Variants in DOCK4 observed in about 807,000 individuals in gnomAD.
The protein encoded by DOCK4 is dedicator of cytokinesis protein 4.
DOCK4 carries 97 observed loss-of-function variants against 268.1 expected under a neutral mutation model. The ratio of observed to expected loss-of-function variants is 0.36; its 90% CI spans 0.31 to 0.43. The LOEUF is 0.43. DOCK4 is among the 20% of genes least tolerant of loss of function. The probability of loss-of-function intolerance (pLI) is 1.00; values close to 1 mark genes in which losing one functional copy is unlikely to be tolerated. For missense variants in DOCK4, 2,145 were observed against 2,455.7 expected, an observed-to-expected ratio of 0.87 and a Z score of 2.67; for synonymous variants, 954 against 887.2, an observed-to-expected ratio of 1.08 and a Z score of -1.34.
intron 1 of DOCK4, among the ~76,000 whole-genome samples, chr7:112,170,301 A>G (rs1049961788): frequency 3.2e-4 from 49 of 152,014 alleles, no homozygotes; most frequent in African/African-American, 1.1e-3. Context: ...AAATTTAAAA[A>G]TAAAAAAAAA....
chr7:112,177,771 T>TA (rs560638958), intron 1 of DOCK4, among the ~76,000 whole-genome samples: 75 of 150,898 alleles, frequency 5.0e-4, no homozygotes, highest in African/African-American at 1.2e-3. Context: ...TTTTATAAGG[T>TA]AAAAAAAAAG....
chr7:112,068,578 T>C (rs1402752788), intron 1 of DOCK4, among the ~76,000 whole-genome samples: 1 of 152,216 alleles, frequency 6.6e-6, no homozygotes, highest in Non-Finnish European at 1.5e-5. Context: ...CCTGACACAT[T>C]GCAAATGCAT....
chr7:111,739,111 T>C, intron 49 of DOCK4, 23 bp downstream of exon 49: 1 of 1,585,284 alleles, frequency 6.3e-7, no homozygotes, highest in Non-Finnish European at 8.7e-7. Context: ...TGTTTTCTAG[T>C]TTCTCTACCC....
intron 42 of DOCK4, among the ~76,000 whole-genome samples, chr7:111,754,054 T>C (rs184854832): frequency 3.3e-5 from 5 of 152,340 alleles, no homozygotes; most frequent in African/African-American, 4.8e-5. Context: ...GGGTAGTAAG[T>C]AGCTAAAGGC....
At chr7:111,753,009 G>GGGGC (rs1554581812) in intron 42 of DOCK4, among the ~76,000 whole-genome samples, 6 of 146,130 alleles carry the variant, frequency 4.1e-5, no homozygotes, top group African/African-American at 1.5e-4. Flanking sequence ...AGCTATTGGG[G>GGGGC]GGGGGGTCTG....
At chr7:111,879,788 G>T (rs1275704589) in intron 16 of DOCK4, among the ~76,000 whole-genome samples, 1 of 152,116 alleles carries the variant, frequency 6.6e-6, no homozygotes, top group South Asian at 2.1e-4. Context: ...ACATGCTGAC[G>T]AATGCATCAG....
intron 1 of DOCK4, among the ~76,000 whole-genome samples, chr7:112,134,084 T>C (rs1814077175): frequency 6.6e-6 from 1 of 152,208 alleles, no homozygotes. Flanking sequence ...GTAAATGCAA[T>C]GTTCATATTA....
intron 30 of DOCK4, among the ~76,000 whole-genome samples, chr7:111,800,158 G>A (rs1299479457): frequency 6.6e-6 from 1 of 151,234 alleles, no homozygotes; most frequent in Non-Finnish European, 1.5e-5. Flanking sequence ...CTTTAAGCTA[G>A]GAAAAGACTG....
intron 1 of DOCK4, among the ~76,000 whole-genome samples, chr7:112,165,826 A>G (rs1222248090): frequency 1.3e-5 from 2 of 152,138 alleles, no homozygotes; most frequent in Non-Finnish European, 2.9e-5. Context: ...TCAGTAACAC[A>G]AAGTTGATCA....
At chr7:112,033,619 G>A (rs1239786040) in intron 1 of DOCK4, among the ~76,000 whole-genome samples, 1 of 152,028 alleles carries the variant, frequency 6.6e-6, no homozygotes, top group East Asian at 1.9e-4. Flanking sequence ...TACCTTTCTT[G>A]ACTTCATGGG....
chr7:112,194,930 G>T (rs967013703), intron 1 of DOCK4, among the ~76,000 whole-genome samples: 1 of 152,130 alleles, frequency 6.6e-6, no homozygotes, highest in African/African-American at 2.4e-5. Context: ...AACTATGGAT[G>T]AGAGTATTAA....
intron 39 of DOCK4, among the ~76,000 whole-genome samples, chr7:111,763,150 T>C (rs1416774453): frequency 6.6e-6 from 1 of 152,066 alleles, no homozygotes; most frequent in Non-Finnish European, 1.5e-5. Context: ...AAAAATTATC[T>C]TGGAAATTGA....
At chr7:111,960,026 T>A (rs1432866458) in intron 8 of DOCK4, among the ~76,000 whole-genome samples, 1 of 152,128 alleles carries the variant, frequency 6.6e-6, no homozygotes, top group Non-Finnish European at 1.5e-5. Flanking sequence ...TTACACTTAA[T>A]TATTTATATA....
intron 1 of DOCK4, among the ~76,000 whole-genome samples, chr7:112,049,443 G>A (rs192112336): frequency 3.1e-4 from 47 of 151,930 alleles, no homozygotes; most frequent in Non-Finnish European, 5.2e-4. Flanking sequence ...AAATAAAATT[G>A]TACTAAAGAA....
At chr7:112,175,806 GC>G (rs1360823954) in intron 1 of DOCK4, among the ~76,000 whole-genome samples, 10 of 130,162 alleles carry the variant, frequency 7.7e-5, no homozygotes, top group Non-Finnish European at 1.5e-4. Context: ...ATTCCTATCT[GC>G]CCCCATCCCC....
intron 23 of DOCK4, among the ~76,000 whole-genome samples, chr7:111,858,619 T>C (rs2134159082): frequency 6.6e-6 from 1 of 152,368 alleles, no homozygotes; most frequent in South Asian, 2.1e-4. Context: ...CTGTAACTTA[T>C]ACCATTGTCT....
intron 1 of DOCK4, among the ~76,000 whole-genome samples, chr7:112,012,736 A>G (rs1801451702): frequency 1.3e-5 from 2 of 152,252 alleles, no homozygotes; most frequent in Admixed American, 6.5e-5. Context: ...AAGATTAAGA[A>G]CTAAGATTAT....
In DOCK4 at chr7:111,758,728, C is replaced by T. The variant is rs1342479475; in HGVS notation, c.4225G>A (p.Val1409Ile). 1.2e-6 allele frequency: 2 copies of T among 1,613,978 alleles called. No homozygotes were observed. Among genetic ancestry groups the T allele is most frequent in the Admixed American group, 1.7e-5 (1 of 60,018 alleles). ...ESQEVLQREG[V>I]PDNIKSFYKV... ...TAGAAGCTTTTGATGTTGTCCGGAA[C>T]ACCCTCTCTCTGCAGGACCTCCTGG... The change falls in exon 41 of 53, where the codon GTT (valine) becomes ATT (isoleucine). Residue 1409 changes from valine (V) to isoleucine (I), a missense_variant. Val to Ile is a conservative substitution (Grantham distance 29, BLOSUM62 3). Around this residue, in one of 2 missense-constraint regions of DOCK4, gnomAD observed 1,598 missense variants for 1,986.7 expected, o/e 0.80. Transcript: ENST00000428084.
At chr7:111,893,591 C>G (rs768879147) in intron 16 of DOCK4, among the ~76,000 whole-genome samples, 1 of 152,182 alleles carries the variant, frequency 6.6e-6, no homozygotes, top group Non-Finnish European at 1.5e-5. Flanking sequence ...TATATCTTAT[C>G]GGGCAGCCTC....
Sources: allele counts gnomAD v4.1 joint callset (sites outside exome capture counted in the v4.1 genomes callset), GRCh38; gene constraint gnomAD v4.1.1; regional missense constraint gnomAD v4.1.1; transcripts MANE v1.5; gene names NCBI Gene and HGNC (gene_info 2026-07-23, HGNC 2026-07-21).